Variants in STAU1 observed in about 807,000 individuals in gnomAD.
STAU1 encodes the protein double-stranded RNA-binding protein Staufen homolog 1.
STAU1 carries 13 observed loss-of-function variants against 62.9 expected under a neutral mutation model. That is an observed-to-expected ratio of 0.21 (90% CI 0.13 to 0.33). The LOEUF is 0.33. Among genes scored for constraint, STAU1 ranks in the 10% least tolerant of loss-of-function variants. The pLI is 1.00. For synonymous variants in STAU1, 269 were observed against 265.1 expected, an observed-to-expected ratio of 1.01 and a Z score of -0.14; for missense variants, 571 against 712.1, an observed-to-expected ratio of 0.80 and a Z score of 2.25.
At chr20:49,190,760 C>T (rs2093830125), upstream of STAU1, among the ~76,000 whole-genome samples, 1 of 152,086 alleles carries the variant, frequency 6.6e-6, no homozygotes, top group South Asian at 2.1e-4. Flanking sequence ...AAGATGGAAG[C>T]TGTGTGTTCT....
At chr20:49,204,331 GCAT>G in the STAU1 span, among the ~76,000 whole-genome samples, 2 of 151,408 alleles carry the variant, frequency 1.3e-5, no homozygotes, top group Admixed American at 1.3e-4. Flanking sequence ...TATGTAAATG[GCAT>G]CATGTTATCT....
chr20:49,209,699 T>C, the STAU1 span, among the ~76,000 whole-genome samples: 6 of 152,018 alleles, frequency 3.9e-5, no homozygotes, highest in African/African-American at 1.4e-4. Context: ...GCTGAGATCA[T>C]ACCATTGCAC....
intron 5 of STAU1, among the ~76,000 whole-genome samples, chr20:49,136,918 G>T (rs1418353775): frequency 1.3e-5 from 2 of 152,106 alleles, no homozygotes; most frequent in Non-Finnish European, 2.9e-5. Flanking sequence ...GGCTGGTCTC[G>T]AACTCCTGAC....
At chr20:49,182,969 A>AT (rs1190294072) in intron 1 of STAU1, among the ~76,000 whole-genome samples, 1 of 152,218 alleles carries the variant, frequency 6.6e-6, no homozygotes, top group East Asian at 1.9e-4. Flanking sequence ...GAAATTTTTC[A>AT]TAATAAAATG....
At chr20:49,175,798 CTTT>C (rs386393906) in intron 1 of STAU1, among the ~76,000 whole-genome samples, 1 of 104,822 alleles carries the variant, frequency 9.5e-6, no homozygotes. Flanking sequence ...CTCATAATGC[CTTT>C]TTTTTTTTTT....
At chr20:49,201,939 G>A in the STAU1 span, among the ~76,000 whole-genome samples, 7 of 151,962 alleles carry the variant, frequency 4.6e-5, no homozygotes, top group African/African-American at 1.7e-4. Context: ...AGAAACTAGA[G>A]GCCAGGCGCG....
intron 5 of STAU1, among the ~76,000 whole-genome samples, chr20:49,143,996 C>A (rs1182284477): frequency 6.6e-6 from 1 of 152,194 alleles, no homozygotes; most frequent in South Asian, 2.1e-4. Context: ...TCAGATTCTT[C>A]GTGTACTGGC....
At chr20:49,211,762 C>A in the STAU1 span, among the ~76,000 whole-genome samples, 1 of 152,136 alleles carries the variant, frequency 6.6e-6, no homozygotes, top group Non-Finnish European at 1.5e-5. Flanking sequence ...CCCACCTCAG[C>A]CTCCCAAAGT....
Position 49,123,205 on chromosome 20 carries a change from T to A in STAU1, c.853A>T (p.Ile285Phe), listed in dbSNP as rs1484526754. The part of the protein sequence containing the change: ...PQTSPEYGQG[I>F]NPISRLAQIQ... ...TGGGCCAGTCGGCTAATCGGATTGA[T>A]CCCCTGGCCATATTCTGGGCTTGTC... The change falls in exon 8 of 14, where the codon ATC (isoleucine) becomes TTC (phenylalanine). Residue 285 changes from isoleucine to phenylalanine, a missense_variant. Ile to Phe is a conservative substitution (Grantham distance 21, BLOSUM62 0). Transcript: ENST00000371856. 1.2e-6 allele frequency: 2 copies of A among 1,614,048 alleles called. No individual in the cohort carries two copies. The highest frequency in any genetic ancestry group is 2.2e-5 in the East Asian group (1 of 44,880).
At position 49,188,334 on chromosome 20, in the gene STAU1, G is replaced by C. The variant is rs893738676; in HGVS notation, c.-378C>G. ...GGCAGCCGCCGGCGCAAACGCTGAA[G>C]AGCCGCTCAGGCGCCCGCAGCCCGG... On this transcript the variant is annotated 5_prime_UTR_variant, in exon 1 of 14. Coordinates refer to ENST00000371856, the MANE Select transcript of STAU1 (RefSeq NM_017453.4). 6.6e-6 allele frequency: 1 copy of C among 152,052 alleles called. No homozygotes were observed. The highest frequency in any genetic ancestry group is 1.5e-5 in the Non-Finnish European group (1 of 67,962). The allele number at this position is 152,052 out of a possible 1,614,324, so 9.4% of individuals were successfully genotyped here. A position where few individuals can be genotyped will look rare whatever the true frequency, so the allele number is the denominator to read the frequency against.
intron 5 of STAU1, among the ~76,000 whole-genome samples, chr20:49,144,860 T>C (rs1416294903): frequency 6.6e-6 from 1 of 152,174 alleles, no homozygotes; most frequent in Admixed American, 6.5e-5. Flanking sequence ...TCTGGCATAT[T>C]TGGGAGTAGA....
At chr20:49,175,346 C>T (rs373153360) in intron 1 of STAU1, among the ~76,000 whole-genome samples, 1 of 151,490 alleles carries the variant, frequency 6.6e-6, no homozygotes, top group African/African-American at 2.4e-5. Context: ...AAAAAAAAGA[C>T]ACAATTGCCT....
chr20:49,146,953 T>C (rs955520694), intron 5 of STAU1, among the ~76,000 whole-genome samples: 2 of 152,180 alleles, frequency 1.3e-5, no homozygotes, highest in African/African-American at 4.8e-5. Context: ...ATACTGCTCC[T>C]AATAGCTCAG....
chr20:49,150,415 G>A (rs2093223850), intron 5 of STAU1, among the ~76,000 whole-genome samples: 1 of 151,392 alleles, frequency 6.6e-6, no homozygotes. Context: ...AGGCTGGAGT[G>A]CAGTGGCACA....
intron 6 of STAU1, among the ~76,000 whole-genome samples, chr20:49,133,423 T>C (rs142818750): frequency 5.3e-5 from 8 of 152,184 alleles, no homozygotes; most frequent in African/African-American, 1.9e-4. Context: ...CCCCACAACC[T>C]GCAAAAATCC....
At position 49,117,809 on chromosome 20, in the gene STAU1, G is replaced by C; in HGVS notation, c.1477C>G (p.Leu493Val). 6.2e-7 allele frequency: 1 copy of C among 1,613,618 alleles called. No homozygotes were observed. The highest frequency in any genetic ancestry group is 8.5e-7 in the Non-Finnish European group (1 of 1,179,808). ...CCCTGGACTCTGGAAAGATAGTCCA[G>C]TTGCTCAGAGGGTCTCGTGAGAGGT... is the stretch of plus-strand genomic sequence containing the variant. Reference protein sequence around the residue: ...HGPLTRPSEQLDYLSRVQGFQ... With the variant: ...HGPLTRPSEQVDYLSRVQGFQ... Residue 493 changes from leucine to valine, a missense_variant, in exon 11 of 14, where the codon CTG (leucine) becomes GTG (valine). By Grantham distance (32) the Leu-to-Val change is conservative. This residue lies in a region of STAU1 where 156 missense variants were observed against 194.7 expected (regional missense o/e 0.80). Coordinates refer to ENST00000371856, the MANE Select transcript of STAU1 (RefSeq NM_017453.4). This position sits in a 1 kb window ranked among gnomAD's most constrained non-coding sequence, Gnocchi z 4.6.
At chr20:49,165,567 C>G (rs557876387) in intron 3 of STAU1, among the ~76,000 whole-genome samples, 14 of 150,940 alleles carry the variant, frequency 9.3e-5, no homozygotes, top group Non-Finnish European at 1.6e-4. Context: ...AACTCCTGAC[C>G]TCTGCTGATC....
At chr20:49,149,243 T>C (rs952075161) in intron 5 of STAU1, among the ~76,000 whole-genome samples, 35 of 115,308 alleles carry the variant, frequency 3.0e-4, no homozygotes, top group African/African-American at 1.2e-3. Context: ...AGGGAGAGAC[T>C]GTCTCAAAAC....
At chr20:49,133,211 C>A (rs879696588) in intron 6 of STAU1, among the ~76,000 whole-genome samples, 1 of 152,194 alleles carries the variant, frequency 6.6e-6, no homozygotes, top group African/African-American at 2.4e-5. Flanking sequence ...AGCAATCTGA[C>A]CCCAAATCCC....
Sources: allele counts gnomAD v4.1 joint callset (sites outside exome capture counted in the v4.1 genomes callset), GRCh38; gene constraint gnomAD v4.1.1; regional missense constraint gnomAD v4.1.1; non-coding constraint Gnocchi (gnomAD v3.1); transcripts MANE v1.5; gene names NCBI Gene and HGNC (gene_info 2026-07-23, HGNC 2026-07-21).